Variants in SNX29 observed in about 807,000 individuals in gnomAD.
SNX29 encodes the protein sorting nexin-29.
Under a neutral mutation model 102.1 loss-of-function variants are expected in SNX29, and 78 were observed. That is an observed-to-expected ratio of 0.76 (90% CI 0.64 to 0.92). SNX29 has a LOEUF of 0.92. Ranked by LOEUF, SNX29 falls within the 40% of genes least tolerant of loss-of-function variation. The pLI is 0.00. For synonymous variants in SNX29, 580 were observed against 414.5 expected (o/e 1.40, Z -4.85); for missense variants, 1,280 against 1,061.7 (o/e 1.21, Z -2.86).
intron 16 of SNX29, among the ~76,000 whole-genome samples, chr16:12,357,270 C>A (rs1331508551): frequency 6.6e-6 from 1 of 152,164 alleles, no homozygotes; most frequent in East Asian, 1.9e-4. Flanking sequence ...GCTTCCTCCT[C>A]CTATATCATT....
At chr16:12,255,922 G>A (rs111263547) in intron 14 of SNX29, among the ~76,000 whole-genome samples, 17 of 152,264 alleles carry the variant, frequency 1.1e-4, no homozygotes, top group African/African-American at 3.4e-4. Context: ...TCATATGGCA[G>A]CTCTATTTTT....
chr16:12,439,719 C>T (rs1196444413), intron 18 of SNX29, among the ~76,000 whole-genome samples: 2 of 152,146 alleles, frequency 1.3e-5, no homozygotes, highest in Non-Finnish European at 2.9e-5. Flanking sequence ...GGTGGGGACA[C>T]AGCTAAACCA....
At chr16:12,061,362 G>T (rs1004686066) in intron 8 of SNX29, 166 bp from the exon 9 acceptor site, 25 of 610,568 alleles carry the variant, frequency 4.1e-5, no homozygotes, top group Non-Finnish European at 6.4e-5. Context: ...AATGCAAGAG[G>T]TCTGGATCTG....
chr16:12,552,844 G>A (rs1002295687), intron 20 of SNX29, among the ~76,000 whole-genome samples: 4 of 152,224 alleles, frequency 2.6e-5, no homozygotes, highest in Admixed American at 6.5e-5. Flanking sequence ...TGCCAGAGAG[G>A]AGAGGGTGTG....
rs923114178 is a variant in SNX29, at chr16:12,573,747, G to A, written c.*5118G>A. The A allele has an allele frequency of 4.5e-6, 1 of 223,574 alleles. No individual in the cohort carries two copies. Among genetic ancestry groups the A allele is most frequent in the Non-Finnish European group, 8.9e-6 (1 of 111,914 alleles). 13.8% of individuals were successfully genotyped at this position (223,574 alleles called of 1,614,324 possible). On this transcript the variant is annotated 3_prime_UTR_variant, in exon 21 of 21. Coordinates refer to ENST00000566228, the MANE Select transcript of SNX29 (RefSeq NM_032167.5). ...ATGGTGGATCGTACATTTGCACCCA[G>A]AGCTACTAAACGCTCAGTGACCCCA...
At chr16:12,530,700 T>C (rs210722) in intron 20 of SNX29, among the ~76,000 whole-genome samples, 56,947 of 151,898 alleles carry the variant, frequency 0.37, 11,592 homozygotes, top group East Asian at 0.61. Flanking sequence ...GAATTACAAG[T>C]GGCCGCTACC....
intron 1 of SNX29, among the ~76,000 whole-genome samples, chr16:11,988,977 T>G (rs1309472723): frequency 6.6e-6 from 1 of 150,806 alleles, no homozygotes; most frequent in African/African-American, 2.5e-5. Flanking sequence ...TGCTCTAGAG[T>G]AATTTTTTTT....
chr16:12,514,919 AG>A (rs1203303419), intron 19 of SNX29, among the ~76,000 whole-genome samples: 1 of 95,920 alleles, frequency 1.0e-5, no homozygotes, highest in African/African-American at 4.3e-5. Context: ...AAAGAAAGAG[AG>A]AAAGAAAGAA....
intron 13 of SNX29, among the ~76,000 whole-genome samples, chr16:12,185,785 C>A (rs2076495823): frequency 6.6e-6 from 1 of 152,236 alleles, no homozygotes; most frequent in Non-Finnish European, 1.5e-5. Context: ...TCAGCAACAA[C>A]AACTGCAACT....
chr16:12,521,385 C>T (rs986440659), intron 19 of SNX29, among the ~76,000 whole-genome samples: 1 of 151,848 alleles, frequency 6.6e-6, no homozygotes, highest in Non-Finnish European at 1.5e-5. Flanking sequence ...TGGGATTTCT[C>T]CAGGGGCCTC....
intron 14 of SNX29, among the ~76,000 whole-genome samples, chr16:12,211,825 AT>A (rs1301938880): frequency 6.6e-6 from 1 of 152,186 alleles, no homozygotes; most frequent in Admixed American, 6.5e-5. Context: ...GCCCACTCTC[AT>A]TATGGAAGAT....
rs145053789 is a variant in SNX29, at chr16:12,042,307, G to A, written c.248-590G>A. On this transcript the variant is annotated intron_variant, in intron 4 of 20. Transcript: ENST00000566228. ...AGCCTCCCAAGTGCTGGGATTACAG[G>A]CATGAGCCACCGTTCCCAGCTTCAA... 4.0e-3 allele frequency among the ~76,000 whole-genome samples: 611 copies of A among 152,252 alleles called. 2 individuals are homozygous for A. The highest frequency in any genetic ancestry group is 0.014 in the African/African-American group (569 of 41,548).
At chr16:12,150,136 G>T (rs1288913382) in intron 13 of SNX29, among the ~76,000 whole-genome samples, 1 of 152,102 alleles carries the variant, frequency 6.6e-6, no homozygotes, top group Admixed American at 6.6e-5. Context: ...TTAAGGAGGG[G>T]GAGTAATTGA....
chr16:12,382,427 C>G (rs2083200202), intron 16 of SNX29, among the ~76,000 whole-genome samples: 1 of 152,174 alleles, frequency 6.6e-6, no homozygotes, highest in South Asian at 2.1e-4. Flanking sequence ...CCACTTAGAG[C>G]CCTGTGCCCT....
At chr16:12,523,599 A>G (rs943688222) in intron 19 of SNX29, among the ~76,000 whole-genome samples, 2 of 152,154 alleles carry the variant, frequency 1.3e-5, no homozygotes, top group African/African-American at 4.8e-5. Context: ...GTTCCAAATT[A>G]ATGAGAATGG....
At chr16:12,453,217 C>G (rs2086384578) in intron 18 of SNX29, among the ~76,000 whole-genome samples, 1 of 152,210 alleles carries the variant, frequency 6.6e-6, no homozygotes, top group African/African-American at 2.4e-5. Flanking sequence ...ATTCACCTGT[C>G]CATGGCAGAC....
rs543283780 is a variant in SNX29 at position 12,563,879 on chromosome 16, C to T, written c.2319-4627C>T. Among the ~76,000 whole-genome samples, 4 of 152,362 alleles carry T rather than the reference C, an allele frequency of 2.6e-5. No individual in the cohort carries two copies. The East Asian group carries it at 7.7e-4, about 29-fold the overall frequency. ...TAGCCATCTCTCCCCATCTCTAGCC[C>T]CTTGGGCCTCTGCCGTCTCTGGAGC... On this transcript the variant is annotated intron_variant, in intron 20 of 20. Coordinates refer to ENST00000566228, the MANE Select transcript of SNX29 (RefSeq NM_032167.5).
In SNX29 at chr16:12,573,574, C is replaced by T; in HGVS notation, c.*4945C>T. ...CATCCTAACCGGAAAACCACTCACCCAGGCTTCCCCCACTTCCCCTCAAAT... is the reference window on the plus strand; with the variant it reads ...CATCCTAACCGGAAAACCACTCACCTAGGCTTCCCCCACTTCCCCTCAAAT... On this transcript the variant is annotated 3_prime_UTR_variant, in exon 21 of 21. Coordinates refer to ENST00000566228, the MANE Select transcript of SNX29 (RefSeq NM_032167.5). 4.5e-6 allele frequency: 1 copy of T among 223,386 alleles called. No homozygotes were observed. The highest frequency in any genetic ancestry group is 8.9e-6 in the Non-Finnish European group (1 of 111,812). 13.8% of individuals were successfully genotyped at this position (223,386 alleles called of 1,614,324 possible). A position where few individuals can be genotyped will look rare whatever the true frequency, so the allele number is the denominator to read the frequency against.
chr16:12,540,130 C>T lies in SNX29; in HGVS notation c.2318+15289C>T, dbSNP rs547425546. Among the ~76,000 whole-genome samples, 28 of 152,212 alleles carry T rather than the reference C, an allele frequency of 1.8e-4. 1 individual carries two copies. In the South Asian group the frequency reaches 5.8e-3, roughly 32 times the overall value. ...CATAAAGATTTTCTCCTAGGTTTTC[C>T]TCAAAGTTTTATAGCTTTACATTTT... is the stretch of plus-strand genomic sequence containing the variant. On this transcript the variant is annotated intron_variant, in intron 20 of 20. Coordinates refer to ENST00000566228, the MANE Select transcript of SNX29 (RefSeq NM_032167.5).
Sources: gnomAD v4.1 joint callset for allele counts (sites outside exome capture counted in the v4.1 genomes callset) on GRCh38, gnomAD v4.1.1 for gene constraint, MANE v1.5 for transcripts, NCBI Gene and HGNC (gene_info 2026-07-23, HGNC 2026-07-21) for gene names.